The following ZNF415 variants were observed in gnomAD, a reference collection of about 807,000 sequenced individuals.
The protein encoded by ZNF415 is zinc finger protein 415.
ZNF415 carries 5 observed loss-of-function variants against 7.3 expected under a neutral mutation model. That is an observed-to-expected ratio of 0.69 (90% CI 0.36 to 1.44). The LOEUF is 1.44. Among genes scored for constraint, ZNF415 ranks in the 40% most tolerant of loss-of-function variants. The probability of loss-of-function intolerance (pLI) is 0.04; values close to 1 mark genes in which losing one functional copy is unlikely to be tolerated. For missense variants in ZNF415, 628 were observed against 664.8 expected, an observed-to-expected ratio of 0.94 and a Z score of 0.61; for synonymous variants, 207 against 226.3, an observed-to-expected ratio of 0.91 and a Z score of 0.77.
intron 2 of ZNF415, among the ~76,000 whole-genome samples, chr19:53,119,091 T>C (rs546220970): frequency 2.4e-3 from 361 of 152,106 alleles, no homozygotes; most frequent in Non-Finnish European, 3.7e-3. Flanking sequence ...CCATCCTGGC[T>C]AACATGGTGA....
chr19:53,127,445 T>C (rs911676770), intron 1 of ZNF415, among the ~76,000 whole-genome samples: 1 of 152,168 alleles, frequency 6.6e-6, no homozygotes, highest in Non-Finnish European at 1.5e-5. Context: ...TCATAGTGAC[T>C]CCACCCCACA....
rs112345249 is a variant in ZNF415, at chr19:53,109,970, C to T, written c.137-62G>A. Reference sequence around the variant, plus strand: ...AGAGACAGTATATAAATATTTCATACTGAATAACAGAATTACACAAAAAGC... The same window carrying T: ...AGAGACAGTATATAAATATTTCATATTGAATAACAGAATTACACAAAAAGC... On this transcript the variant is annotated intron_variant, in intron 3 of 3. Transcript: ENST00000243643. 1.9e-3 allele frequency: 2,514 copies of T among 1,334,634 alleles called. 52 individuals are homozygous for T. In the African/African-American group the frequency reaches 0.033, roughly 18 times the overall value. 82.7% of individuals were successfully genotyped at this position (1,334,634 alleles called of 1,614,324 possible).
intron 1 of ZNF415, among the ~76,000 whole-genome samples, chr19:53,132,207 C>T (rs1464565030): frequency 6.6e-6 from 1 of 152,212 alleles, no homozygotes; most frequent in African/African-American, 2.4e-5. Context: ...CTTCCTGTCT[C>T]AGGTTTTCTA....
In ZNF415 at chr19:53,118,660, T is replaced by G. The variant is rs191153982; in HGVS notation, c.16-2227A>C. 2.0e-3 allele frequency among the ~76,000 whole-genome samples: 308 copies of G among 151,120 alleles called. 2 individuals are homozygous for G. Among genetic ancestry groups the G allele is most frequent in the African/African-American group, 7.3e-3 (298 of 41,078 alleles). ...ATGAGAAACTTTGAAAACTGGCAAATACATGGAAATTAGACAACATGCTCC... is the reference window on the plus strand; with the variant it reads ...ATGAGAAACTTTGAAAACTGGCAAAGACATGGAAATTAGACAACATGCTCC... On this transcript the variant is annotated intron_variant, in intron 2 of 3. Coordinates refer to ENST00000243643, the MANE Select transcript of ZNF415 (RefSeq NM_018355.4).
chr19:53,118,401 T>G (rs1193826323), intron 2 of ZNF415, among the ~76,000 whole-genome samples: 1 of 152,136 alleles, frequency 6.6e-6, no homozygotes, highest in African/African-American at 2.4e-5. Flanking sequence ...AGACAGAAAA[T>G]TAACAAAGAA....
At position 53,108,237 on chromosome 19, in the gene ZNF415, G is replaced by A. The variant is rs2085671614; in HGVS notation, c.*140C>T. 2 of 800,574 alleles carry A rather than the reference G, an allele frequency of 2.5e-6. No homozygotes were observed. The highest frequency in any genetic ancestry group is 3.8e-5 in the South Asian group (2 of 52,116). The allele number at this position is 800,574 out of a possible 1,614,324, so 49.6% of individuals were successfully genotyped here. ...GCTGTACTCGTAAGGATTCTCTCAA[G>A]AATGAAATTCTCTGATGCTGTGTAG... On this transcript the variant is annotated 3_prime_UTR_variant, in exon 4 of 4. Transcript: ENST00000243643.
At chr19:53,112,241 G>A (rs896605912) in intron 3 of ZNF415, among the ~76,000 whole-genome samples, 1 of 152,224 alleles carries the variant, frequency 6.6e-6, no homozygotes, top group Non-Finnish European at 1.5e-5. Context: ...ACCACGCCGG[G>A]CCATCAGACG....
At chr19:53,118,510 G>A (rs759632908) in intron 2 of ZNF415, among the ~76,000 whole-genome samples, 6 of 152,104 alleles carry the variant, frequency 3.9e-5, no homozygotes, top group African/African-American at 1.2e-4. Context: ...TTGCATCAGC[G>A]CATAGAACAT....
chr19:53,108,818 C>G lies in ZNF415; in HGVS notation c.1227G>C (p.Glu409Asp). ...LARHWRIHTG[E>D]KPYKCNECGK... ...CACATTCATTGCATTTGTAAGGTTT[C>G]TCTCCAGTATGAATTCTCCAATGCC... The change falls in exon 4 of 4, where the codon GAG becomes GAC. Residue 409 changes from glutamate (E) to aspartate (D), a missense_variant. Coordinates refer to ENST00000243643, the MANE Select transcript of ZNF415 (RefSeq NM_018355.4). 2 of 1,614,028 alleles carry G rather than the reference C, an allele frequency of 1.2e-6. No individual in the cohort carries two copies. The highest frequency in any genetic ancestry group is 1.7e-6 in the Non-Finnish European group (2 of 1,179,972).
chr19:53,132,462 G>A (rs1378576939), intron 1 of ZNF415, among the ~76,000 whole-genome samples: 1 of 152,128 alleles, frequency 6.6e-6, no homozygotes, highest in Non-Finnish European at 1.5e-5. Context: ...CAGGGGTGGG[G>A]TCTGCAGGAT....
chr19:53,122,405 C>G, intron 2 of ZNF415: 4 of 1,536,982 alleles, frequency 2.6e-6, no homozygotes, highest in Non-Finnish European at 3.5e-6. Flanking sequence ...GACCCTCACC[C>G]CGTCTCCATC....
intron 1 of ZNF415, among the ~76,000 whole-genome samples, chr19:53,125,350 TTTTTTA>T (rs1342963601): frequency 4.6e-4 from 69 of 151,642 alleles, no homozygotes; most frequent in Non-Finnish European, 4.4e-5. Flanking sequence ...CCTTTTTTTT[TTTTTTA>T]AACAGGATCT....
In ZNF415 at chr19:53,109,845, ACTT is replaced by A; in HGVS notation, c.197_199del (p.Glu66del). 1.9e-6 allele frequency: 3 copies of A among 1,612,720 alleles called. No homozygotes were observed. Among genetic ancestry groups the A allele is most frequent in the Non-Finnish European group, 2.5e-6 (3 of 1,179,592 alleles). Reference sequence around the variant, plus strand: ...TTGTTCCAATGTCACTGTGTGGAATACTTCTCCTGGGTTACCTTCCTGTTGTGG... The same window carrying A: ...TTGTTCCAATGTCACTGTGTGGAATACTCCTGGGTTACCTTCCTGTTGTGG... On this transcript the variant is annotated inframe_deletion, in exon 4 of 4. Coordinates refer to ENST00000243643, the MANE Select transcript of ZNF415 (RefSeq NM_018355.4).
rs1568529329 is a variant in ZNF415 at position 53,108,753 on chromosome 19, C to CA, written c.1291_1292insT (p.Arg431LeufsTer13). The CA allele has an allele frequency of 6.2e-7, 1 of 1,614,082 alleles. No individual in the cohort carries two copies. Among genetic ancestry groups the CA allele is most frequent in the South Asian group, 1.1e-5 (1 of 91,070 alleles). Reference sequence around the variant, plus strand: ...AGGTTTCTCTCCAGTATGAACTCTCCGATGACTCGCAAGGTGTGAATTGTA... The same window carrying CA: ...AGGTTTCTCTCCAGTATGAACTCTCCAGATGACTCGCAAGGTGTGAATTGTA... On this transcript the variant is annotated frameshift_variant, in exon 4 of 4. Coordinates refer to ENST00000243643, the MANE Select transcript of ZNF415 (RefSeq NM_018355.4). LOFTEE classifies it low-confidence loss of function (END_TRUNC).
At chr19:53,115,964 C>T (rs2086954336) in intron 3 of ZNF415, 2 of 667,514 alleles carry the variant, frequency 3.0e-6, no homozygotes, top group South Asian at 1.9e-5. Context: ...TGAATGCCAA[C>T]TCTGAATGCT....
chr19:53,125,553 G>A lies in ZNF415; in HGVS notation c.-67-2810C>T, dbSNP rs755095427. Among the ~76,000 whole-genome samples the A allele has an allele frequency of 5.3e-5, 8 of 152,120 alleles. No homozygotes were observed. The South Asian group carries it at 8.3e-4, about 16-fold the overall frequency. The stretch of plus-strand genomic sequence containing the variant: ...AGGTGTCACTATGTTACCTAGGCTC[G>A]TCTCAAACTGGGCTCAAGTGAGCGT... On this transcript the variant is annotated intron_variant, in intron 1 of 3. Coordinates refer to ENST00000243643, the MANE Select transcript of ZNF415 (RefSeq NM_018355.4).
At chr19:53,130,694 C>T (rs2089951785) in intron 1 of ZNF415, among the ~76,000 whole-genome samples, 1 of 152,010 alleles carries the variant, frequency 6.6e-6, no homozygotes, top group Non-Finnish European at 1.5e-5. Flanking sequence ...CAGTCTTGCT[C>T]TGTCACCGGA....
chr19:53,108,610 C>G lies in ZNF415; in HGVS notation c.1435G>C (p.Val479Leu). 6.2e-7 allele frequency: 1 copy of G among 1,614,118 alleles called. No homozygotes were observed. The highest frequency in any genetic ancestry group is 8.5e-7 in the Non-Finnish European group (1 of 1,180,024). ...KCNQCGKGFS[V>L]HSSLTTHQVI... ...TGATGGGTAGTTAGGCTTGAATGCA[C>G]ACTGAAGCCTTTGCCACATTGATTA... is the stretch of plus-strand genomic sequence containing the variant. Residue 479 changes from valine to leucine, a missense_variant, in exon 4 of 4, where the codon GTG becomes CTG. Val to Leu is a conservative substitution (Grantham distance 32, BLOSUM62 1). Coordinates refer to ENST00000243643, the MANE Select transcript of ZNF415 (RefSeq NM_018355.4).
rs541008791 is a variant in ZNF415, at chr19:53,129,454, C to A, written c.-68+3402G>T. On this transcript the variant is annotated intron_variant, in intron 1 of 3. Transcript: ENST00000243643. Reference sequence around the variant, plus strand: ...AGTCCCTGCTTCACATTCTTGTTTTCATTTTTAGAGGAAGAAATCCAAATA... The same window carrying A: ...AGTCCCTGCTTCACATTCTTGTTTTAATTTTTAGAGGAAGAAATCCAAATA... 4.0e-5 allele frequency: 16 copies of A among 398,806 alleles called. No individual in the cohort carries two copies. In the East Asian group the frequency reaches 5.4e-4, roughly 13 times the overall value. The allele number at this position is 398,806 out of a possible 1,614,324, so 24.7% of individuals were successfully genotyped here.
Sources: gnomAD v4.1 joint callset for allele counts (sites outside exome capture counted in the v4.1 genomes callset) on GRCh38, gnomAD v4.1.1 for gene constraint, MANE v1.5 for transcripts, NCBI Gene and HGNC (gene_info 2026-07-23, HGNC 2026-07-21) for gene names.